Variants in GRM1 observed in about 807,000 individuals in gnomAD.
The protein encoded by GRM1 is glutamate metabotropic receptor 1.
A neutral mutation model predicts 90.9 loss-of-function variants in GRM1; 33 were observed. That is an observed-to-expected ratio of 0.36 (90% CI 0.28 to 0.49). The LOEUF is 0.49. Ranked by LOEUF, GRM1 falls within the 20% of genes least tolerant of loss-of-function variation. The pLI, the probability that GRM1 is intolerant of heterozygous loss-of-function variation, is 0.99. For synonymous variants in GRM1, 700 were observed against 613.2 expected (o/e 1.14, Z -2.09); for missense variants, 1,190 against 1,534.3 (o/e 0.78, Z 3.75).
intron 7 of GRM1, among the ~76,000 whole-genome samples, chr6:146,409,339 C>G (rs1293396725): frequency 6.6e-6 from 1 of 152,168 alleles, no homozygotes; most frequent in African/African-American, 2.4e-5. Context: ...CCACAGGGTT[C>G]TGCATAGCAC....
At chr6:146,071,365 G>C (rs1406091994) in intron 1 of GRM1, among the ~76,000 whole-genome samples, 1 of 152,058 alleles carries the variant, frequency 6.6e-6, no homozygotes, top group Non-Finnish European at 1.5e-5. Flanking sequence ...TTATTTTCTG[G>C]TAGAAGAAGA....
At chr6:146,172,240 A>G (rs1429683909) in intron 2 of GRM1, among the ~76,000 whole-genome samples, 1 of 151,918 alleles carries the variant, frequency 6.6e-6, no homozygotes, top group Non-Finnish European at 1.5e-5. Flanking sequence ...TTCTTCCTCT[A>G]TTTTCAAGCC....
chr6:146,139,731 T>A (rs1322587638), intron 1 of GRM1, among the ~76,000 whole-genome samples: 1 of 152,204 alleles, frequency 6.6e-6, no homozygotes, highest in Non-Finnish European at 1.5e-5. Flanking sequence ...AGGCAATAGA[T>A]CATTGGGTCT....
At chr6:146,057,594 T>C (rs1775524462) in intron 1 of GRM1, among the ~76,000 whole-genome samples, 1 of 152,076 alleles carries the variant, frequency 6.6e-6, no homozygotes, top group African/African-American at 2.4e-5. Context: ...TCTTAACTCA[T>C]TCAAACATAA....
chr6:146,413,367 G>A (rs148893742), intron 7 of GRM1, among the ~76,000 whole-genome samples: 7 of 151,956 alleles, frequency 4.6e-5, no homozygotes, highest in African/African-American at 1.2e-4. Context: ...GATTGTATTA[G>A]GTCAATATTC....
chr6:146,411,198 C>T (rs1230672426), intron 7 of GRM1, among the ~76,000 whole-genome samples: 1 of 152,076 alleles, frequency 6.6e-6, no homozygotes, highest in Non-Finnish European at 1.5e-5. Context: ...AGTCTCCAAC[C>T]AGTCCAAGAA....
chr6:146,070,205 G>C (rs1775978946), intron 1 of GRM1, among the ~76,000 whole-genome samples: 1 of 151,908 alleles, frequency 6.6e-6, no homozygotes, highest in African/African-American at 2.4e-5. Flanking sequence ...TTGCTCAGTG[G>C]TGGTCACCAA....
intron 5 of GRM1, among the ~76,000 whole-genome samples, chr6:146,364,360 G>A (rs1341910719): frequency 6.6e-6 from 1 of 152,130 alleles, no homozygotes; most frequent in Non-Finnish European, 1.5e-5. Context: ...TGTTTAGACC[G>A]AAATCTACCT....
upstream of GRM1, among the ~76,000 whole-genome samples, chr6:146,028,510 C>T (rs879672283): frequency 1.3e-5 from 2 of 151,628 alleles, no homozygotes; most frequent in African/African-American, 2.4e-5. Flanking sequence ...AGCGCAGGAC[C>T]CCCCCTAACC....
At chr6:146,098,129 A>G (rs1362533194) in intron 1 of GRM1, among the ~76,000 whole-genome samples, 1 of 152,244 alleles carries the variant, frequency 6.6e-6, no homozygotes, top group Non-Finnish European at 1.5e-5. Context: ...AGCTGATTTG[A>G]CACCATTGTA....
At chr6:146,342,533 C>A (rs146018512) in intron 3 of GRM1, among the ~76,000 whole-genome samples, 201 of 152,276 alleles carry the variant, frequency 1.3e-3, no homozygotes, top group Non-Finnish European at 2.0e-3. Context: ...GGGTGTTAAT[C>A]TAGTGACCTC....
At chr6:146,155,937 G>T (rs1472130881) in intron 1 of GRM1, among the ~76,000 whole-genome samples, 1 of 152,220 alleles carries the variant, frequency 6.6e-6, no homozygotes, top group Non-Finnish European at 1.5e-5. Flanking sequence ...TACTCTGGTT[G>T]CTAGGTGTGA....
At chr6:146,106,885 G>A (rs540806500) in intron 1 of GRM1, among the ~76,000 whole-genome samples, 99 of 152,354 alleles carry the variant, frequency 6.5e-4, no homozygotes, top group African/African-American at 2.3e-3. Context: ...TATGCACAGA[G>A]TGAGCTCTCA....
At chr6:146,277,641 T>C (rs951336040) in intron 2 of GRM1, among the ~76,000 whole-genome samples, 2 of 152,198 alleles carry the variant, frequency 1.3e-5, no homozygotes, top group Non-Finnish European at 2.9e-5. Context: ...GCTCCTGGTT[T>C]CCCCTGGACT....
intron 2 of GRM1, among the ~76,000 whole-genome samples, chr6:146,248,939 T>G (rs1781173744): frequency 6.6e-6 from 1 of 152,136 alleles, no homozygotes; most frequent in African/African-American, 2.4e-5. Flanking sequence ...TTTTCAGCAT[T>G]TTTCCCCTGC....
chr6:146,372,599 G>T (rs560509837), intron 5 of GRM1, among the ~76,000 whole-genome samples: 1 of 152,046 alleles, frequency 6.6e-6, no homozygotes, highest in African/African-American at 2.4e-5. Context: ...TTAGGTCTTA[G>T]ATTTAAGTCT....
At chr6:146,105,653 A>G (rs148296080) in intron 1 of GRM1, among the ~76,000 whole-genome samples, 138 of 152,238 alleles carry the variant, frequency 9.1e-4, no homozygotes, top group African/African-American at 3.1e-3. Flanking sequence ...AATCTTTGCT[A>G]TATTAGTGTT....
rs1415031672 is a variant in GRM1 at position 146,435,291 on chromosome 6, A to AG, written c.*497dup. The AG allele has an allele frequency of 7.9e-6, 2 of 253,554 alleles. No individual in the cohort carries two copies. Among genetic ancestry groups the AG allele is most frequent in the Non-Finnish European group, 1.5e-5 (2 of 130,184 alleles). The allele number at this position is 253,554 out of a possible 1,614,324, so 15.7% of individuals were successfully genotyped here. Reference sequence around the variant, plus strand: ...GCAGGTGCGGGGAAGGGAAGGGCCCAGGCCAGACCCATCCCAAACGGATGA... The same window carrying AG: ...GCAGGTGCGGGGAAGGGAAGGGCCCAGGGCCAGACCCATCCCAAACGGATGA... On this transcript the variant is annotated 3_prime_UTR_variant, in exon 8 of 8. Coordinates refer to ENST00000282753, the MANE Select transcript of GRM1 (RefSeq NM_001278064.2).
chr6:146,071,527 T>C (rs948444722), intron 1 of GRM1, among the ~76,000 whole-genome samples: 1 of 152,200 alleles, frequency 6.6e-6, no homozygotes, highest in Non-Finnish European at 1.5e-5. Flanking sequence ...CATGTAGGCT[T>C]GAAAGGCAAG....
Sources: gnomAD v4.1 joint callset for allele counts (sites outside exome capture counted in the v4.1 genomes callset) on GRCh38, gnomAD v4.1.1 for gene constraint, MANE v1.5 for transcripts, NCBI Gene and HGNC (gene_info 2026-07-23, HGNC 2026-07-21) for gene names.